ANP32E: variants seen among roughly 807,000 people sequenced by gnomAD.
ANP32E encodes the protein acidic nuclear phosphoprotein 32 family member E.
ANP32E carries 14 observed loss-of-function variants against 35.3 expected under a neutral mutation model. The observed-to-expected ratio is 0.40, with a 90% CI of 0.26 to 0.62. The LOEUF is 0.62. ANP32E is among the 20% of genes least tolerant of loss of function. The pLI is 0.45. For missense variants in ANP32E, 198 were observed against 304.4 expected (o/e 0.65, Z 2.60); for synonymous variants, 89 against 110.4 (o/e 0.81, Z 1.22).
rs782798771 is a variant in ANP32E at position 150,229,058 on chromosome 1, T to G, written c.493+14A>C. Reference sequence around the variant, plus strand: ...TATAATTATGACACACTTATGAGTATTAAGAACGATTACCCTCATCATCCT... The same window carrying G: ...TATAATTATGACACACTTATGAGTAGTAAGAACGATTACCCTCATCATCCT... On this transcript the variant is annotated intron_variant, in intron 4 of 6. Transcript: ENST00000583931. 6.2e-7 allele frequency: 1 copy of G among 1,610,492 alleles called. No homozygotes were observed.
At position 150,226,639 on chromosome 1, in the gene ANP32E, C is replaced by T; in HGVS notation, c.650G>A (p.Gly217Asp). Residue 217 changes from glycine to aspartate, a missense_variant, in exon 5 of 7, where the codon GGC (glycine) becomes GAC (aspartate). Around this residue, in one of 4 missense-constraint regions of ANP32E, gnomAD observed 121 missense variants for 137.3 expected, o/e 0.88. Coordinates refer to ENST00000583931, the MANE Select transcript of ANP32E (RefSeq NM_030920.5). ...SELGEGEEEV[G>D]LSYLMKEEIQ... ...TTCTTCTTTCATTAAGTATGAGAGGCCCACTTCCTCTTCTCCCTCTCCCAA... is the reference window on the plus strand; with the variant it reads ...TTCTTCTTTCATTAAGTATGAGAGGTCCACTTCCTCTTCTCCCTCTCCCAA... 1 of 1,613,514 alleles carries T rather than the reference C, an allele frequency of 6.2e-7. No homozygotes were observed. Among genetic ancestry groups the T allele is most frequent in the Non-Finnish European group, 8.5e-7 (1 of 1,179,784 alleles).
chr1:150,228,223 G>A (rs1413452222), intron 4 of ANP32E, among the ~76,000 whole-genome samples: 4 of 151,670 alleles, frequency 2.6e-5, no homozygotes, highest in African/African-American at 7.3e-5. Flanking sequence ...ATTCTGCCTC[G>A]GCTTCCCATG....
chr1:150,236,068 A>T lies in ANP32E; in HGVS notation c.-282T>A. On this transcript the variant is annotated 5_prime_UTR_variant, in exon 1 of 7. Transcript: ENST00000583931. Reference sequence around the variant, plus strand: ...CACACACATACACACACACATACACACACACACCCGCAGTTCCTTCCCCTT... The same window carrying T: ...CACACACATACACACACACATACACTCACACACCCGCAGTTCCTTCCCCTT... 2.7e-6 allele frequency: 1 copy of T among 365,994 alleles called. No individual in the cohort carries two copies. Among genetic ancestry groups the T allele is most frequent in the Non-Finnish European group, 5.0e-6 (1 of 198,508 alleles). The allele number at this position is 365,994 out of a possible 1,614,324, so 22.7% of individuals were successfully genotyped here. A position where few individuals can be genotyped will look rare whatever the true frequency, so the allele number is the denominator to read the frequency against.
intron 2 of ANP32E, among the ~76,000 whole-genome samples, chr1:150,231,075 G>GA (rs199517349): frequency 6.1e-4 from 93 of 151,738 alleles, no homozygotes; most frequent in African/African-American, 2.1e-3. Flanking sequence ...TCAATTTGAA[G>GA]AAAAAAAACT....
intron 6 of ANP32E, among the ~76,000 whole-genome samples, chr1:150,221,368 G>A (rs1553837811): frequency 6.7e-6 from 1 of 150,106 alleles, no homozygotes; most frequent in African/African-American, 2.5e-5. Flanking sequence ...GAACCCAGGA[G>A]GCAGAGGCTG....
intron 1 of ANP32E, among the ~76,000 whole-genome samples, 189 bp from the exon 2 acceptor site, chr1:150,232,115 C>T (rs1649391969): frequency 6.6e-6 from 1 of 151,796 alleles, no homozygotes; most frequent in Admixed American, 6.6e-5. Flanking sequence ...GAGGCCGAGG[C>T]GGGCGGATCA....
In ANP32E at chr1:150,230,701, T is replaced by C. The variant is rs782425483; in HGVS notation, c.205-8A>G. Reference sequence around the variant, plus strand: ...ATTATCACTAAGCTCCAACTATACATTCAACAAAGGAAAAAACAAAGAATG... The same window carrying C: ...ATTATCACTAAGCTCCAACTATACACTCAACAAAGGAAAAAACAAAGAATG... On this transcript the variant is annotated splice_polypyrimidine_tract_variant and splice_region_variant and intron_variant, in intron 2 of 6. Transcript: ENST00000583931. 1 of 1,463,244 alleles carries C rather than the reference T, an allele frequency of 6.8e-7. No homozygotes were observed. Among genetic ancestry groups the C allele is most frequent in the Admixed American group, 2.4e-5 (1 of 42,088 alleles). The allele number at this position is 1,463,244 out of a possible 1,614,324, so 90.6% of individuals were successfully genotyped here.
intron 2 of ANP32E, 56 bp from the exon 3 acceptor site, chr1:150,230,749 T>TTTA: frequency 2.6e-6 from 4 of 1,535,742 alleles, no homozygotes; most frequent in Non-Finnish European, 3.5e-6. Context: ...TATCAAACTT[T>TTTA]TTTTTTTTTT....
intron 5 of ANP32E, among the ~76,000 whole-genome samples, chr1:150,225,212 T>C (rs1233722666): frequency 6.6e-6 from 1 of 151,904 alleles, no homozygotes; most frequent in Non-Finnish European, 1.5e-5. Flanking sequence ...TTCCATGGAG[T>C]TGTAAATAAA....
At chr1:150,232,371 A>G (rs1553842020) in intron 1 of ANP32E, among the ~76,000 whole-genome samples, 1 of 150,676 alleles carries the variant, frequency 6.6e-6, no homozygotes, top group Non-Finnish European at 1.5e-5. Context: ...ACAACACAAC[A>G]GAAACCCCAC....
At chr1:150,220,968 A>G (rs1373515072) in intron 6 of ANP32E, among the ~76,000 whole-genome samples, 15 of 151,978 alleles carry the variant, frequency 9.9e-5, no homozygotes, top group African/African-American at 3.6e-4. Context: ...AATACAAAAA[A>G]TTAGCCAGGC....
At chr1:150,231,729 A>T in intron 2 of ANP32E, 48 bp downstream of exon 2, 1 of 1,574,652 alleles carries the variant, frequency 6.4e-7, no homozygotes, top group Admixed American at 1.9e-5. Flanking sequence ...CACTAGACAT[A>T]TAGCCGTGGC....
At chr1:150,230,454 C>G in intron 3 of ANP32E, 117 bp downstream of exon 3, 6 of 1,019,062 alleles carry the variant, frequency 5.9e-6, no homozygotes, top group Non-Finnish European at 6.8e-6. Flanking sequence ...CTGCCTAGAT[C>G]ACAACATACA....
chr1:150,220,986 C>T (rs1553837587), intron 6 of ANP32E, among the ~76,000 whole-genome samples: 1 of 151,606 alleles, frequency 6.6e-6, no homozygotes, highest in Admixed American at 6.6e-5. Context: ...GGCATGGTGG[C>T]GGGTGCCTGT....
intron 3 of ANP32E, 71 bp from the exon 4 acceptor site, chr1:150,229,308 T>TC: frequency 9.6e-7 from 1 of 1,042,744 alleles, no homozygotes; most frequent in African/African-American, 1.7e-5. Flanking sequence ...CTTTTTTTTT[T>TC]TTTTTTTTTG....
Position 150,220,702 on chromosome 1 carries a change from C to A in ANP32E, c.796G>T (p.Glu266Ter), listed in dbSNP as rs1411944721. The change falls in exon 7 of 7, where the codon GAA becomes TAA. Residue 266 changes from glutamate to a stop codon, truncating the protein, a stop_gained. Transcript: ENST00000583931. LOFTEE classifies it high-confidence loss of function. ...GGTCTTAGAATGATCTAGTCATCTT[C>A]TTCCTCTCCATCGTCTTCAGCATCT... is the stretch of plus-strand genomic sequence containing the variant. Reference protein sequence around the residue: ...KRDAEDDGEEEDD With the variant: ...KRDAEDDGEE 6.2e-7 allele frequency: 1 copy of A among 1,613,996 alleles called. No homozygotes were observed. The highest frequency in any genetic ancestry group is 8.5e-7 in the Non-Finnish European group (1 of 1,179,916).
rs1038220827 is a variant in ANP32E, at chr1:150,219,421, A to C, written c.*1270T>G. ...AAAACAAATCTTAATTTTAATGTCA[A>C]TTTAGTTTCAAATACTTTTCCAGCT... On this transcript the variant is annotated 3_prime_UTR_variant, in exon 7 of 7. Transcript: ENST00000583931. 3 of 152,158 alleles carry C rather than the reference A, an allele frequency of 2.0e-5. No individual in the cohort carries two copies. Among genetic ancestry groups the C allele is most frequent in the South Asian group, 4.1e-4 (2 of 4,828 alleles). The allele number at this position is 152,158 out of a possible 1,614,324, so 9.4% of individuals were successfully genotyped here. A position where few individuals can be genotyped will look rare whatever the true frequency, so the allele number is the denominator to read the frequency against.
chr1:150,235,637 A>AAG lies in ANP32E; in HGVS notation c.54+95_54+96insCT. 1 of 1,403,020 alleles carries AAG rather than the reference A, an allele frequency of 7.1e-7. No homozygotes were observed. The highest frequency in any genetic ancestry group is 9.9e-7 in the Non-Finnish European group (1 of 1,006,446). The allele number at this position is 1,403,020 out of a possible 1,614,324, so 86.9% of individuals were successfully genotyped here. The stretch of plus-strand genomic sequence containing the variant: ...AACCCGGGGGGATGGGGGCTAACTT[A>AAG]TTACTCCATCCCCGCACACCCACCC... On this transcript the variant is annotated intron_variant, in intron 1 of 6. Transcript: ENST00000583931. This position sits in a 1 kb window ranked among gnomAD's most constrained non-coding sequence, Gnocchi z 4.2.
Position 150,229,100 on chromosome 1 carries a change from C to G in ANP32E, c.465G>C (p.Ala155=). The change falls in exon 4 of 7, where the codon GCG becomes GCC. Residue 155 remains alanine, a synonymous_variant. Transcript: ENST00000583931. ...CATCATCCTCCTCTTCAGAGTCCGG[C>G]GCTTCATTATCCTCCTGATCAAATC... is the stretch of plus-strand genomic sequence containing the variant. ...LDGFDQEDNE[A]PDSEEEDDED... 4.3e-6 allele frequency: 7 copies of G among 1,613,122 alleles called. No individual in the cohort carries two copies. The highest frequency in any genetic ancestry group is 5.9e-6 in the Non-Finnish European group (7 of 1,179,808).
Sources: gnomAD v4.1 joint callset for allele counts (sites outside exome capture counted in the v4.1 genomes callset) on GRCh38, gnomAD v4.1.1 for gene constraint, gnomAD v4.1.1 regional missense constraint, Gnocchi (gnomAD v3.1) non-coding constraint, MANE v1.5 for transcripts, NCBI Gene and HGNC (gene_info 2026-07-23, HGNC 2026-07-21) for gene names.